Variants in SCFD1 observed in about 807,000 individuals in gnomAD.
The protein encoded by SCFD1 is sec1 family domain containing 1.
SCFD1 carries 37 observed loss-of-function variants against 103.2 expected under a neutral mutation model. The observed-to-expected ratio is 0.36, with a 90% CI of 0.28 to 0.47. SCFD1 has a LOEUF of 0.47. SCFD1 is among the 20% of genes least tolerant of loss of function. The pLI is 1.00. For synonymous variants in SCFD1, 264 were observed against 245.0 expected (o/e 1.08, Z -0.73); for missense variants, 639 against 761.2 (o/e 0.84, Z 1.89).
chr14:30,713,298 A>C (rs560041088), intron 19 of SCFD1, among the ~76,000 whole-genome samples: 2 of 152,250 alleles, frequency 1.3e-5, no homozygotes, highest in South Asian at 4.1e-4. Flanking sequence ...GAGTATGTGA[A>C]TATTGTATTG....
chr14:30,723,693 G>A (rs1892811141), intron 23 of SCFD1, among the ~76,000 whole-genome samples: 1 of 152,144 alleles, frequency 6.6e-6, no homozygotes, highest in South Asian at 2.1e-4. Context: ...ATAATGGCCT[G>A]CAGCTCCATC....
At chr14:30,711,821 ATGAT>A (rs1234265948) in intron 19 of SCFD1, among the ~76,000 whole-genome samples, 2 of 152,074 alleles carry the variant, frequency 1.3e-5, no homozygotes, top group Non-Finnish European at 2.9e-5. Context: ...TATGGCTAAA[ATGAT>A]TGATTGTATA....
At chr14:30,696,946 T>C (rs371639428) in intron 15 of SCFD1, among the ~76,000 whole-genome samples, 8 of 152,184 alleles carry the variant, frequency 5.3e-5, no homozygotes, top group African/African-American at 1.9e-4. Context: ...TTTATAAATA[T>C]AGAAAGGGAA....
chr14:30,672,426 G>C (rs892504539), intron 11 of SCFD1, among the ~76,000 whole-genome samples: 1 of 152,130 alleles, frequency 6.6e-6, no homozygotes, highest in African/African-American at 2.4e-5. Flanking sequence ...CTTGTTATTA[G>C]AGAGGTATTT....
chr14:30,647,590 G>T (rs1459753578), intron 7 of SCFD1, among the ~76,000 whole-genome samples: 1 of 151,924 alleles, frequency 6.6e-6, no homozygotes, highest in African/African-American at 2.4e-5. Flanking sequence ...GCCCTCATAT[G>T]GTTTGTTGTT....
chr14:30,719,365 G>A lies in SCFD1; in HGVS notation c.1724G>A (p.Arg575Gln), dbSNP rs375774799. The A allele has an allele frequency of 2.6e-5, 41 of 1,605,486 alleles. No homozygotes were observed. The highest frequency in any genetic ancestry group is 4.5e-5 in the East Asian group (2 of 44,692). Residue 575 changes from arginine to glutamine, a missense_variant, in exon 21 of 25, where the codon CGG becomes CAG. Coordinates refer to ENST00000458591, the MANE Select transcript of SCFD1 (RefSeq NM_016106.4). ...AGATATTTTGATCCCAAAATGCTGC[G>A]GGGCAATGACAGGTAAGCAGCTTTT... The part of the protein sequence containing the change: ...DYRYFDPKML[R>Q]GNDSSVPRNK...
intron 4 of SCFD1, 62 bp from the exon 5 acceptor site, chr14:30,638,063 G>A (rs1261815003): frequency 3.5e-6 from 5 of 1,448,052 alleles, no homozygotes; most frequent in Non-Finnish European, 4.5e-6. Flanking sequence ...TATAGTAGTT[G>A]AAACATATGT....
At chr14:30,662,843 A>G (rs868688362) in intron 10 of SCFD1, among the ~76,000 whole-genome samples, 2 of 152,286 alleles carry the variant, frequency 1.3e-5, no homozygotes, top group South Asian at 2.1e-4. Flanking sequence ...AGGCTTCTAC[A>G]TGTTTTTAGC....
chr14:30,634,379 A>C (rs182714512), intron 4 of SCFD1, among the ~76,000 whole-genome samples: 1 of 152,278 alleles, frequency 6.6e-6, no homozygotes, highest in East Asian at 1.9e-4. Context: ...ATTACAGAAT[A>C]TATTTTATAA....
chr14:30,647,254 TCA>T (rs893431947), intron 7 of SCFD1, among the ~76,000 whole-genome samples: 1 of 152,150 alleles, frequency 6.6e-6, no homozygotes, highest in African/African-American at 2.4e-5. Context: ...ATAAAATATG[TCA>T]CACAAAAAAA....
intron 7 of SCFD1, chr14:30,643,837 A>C: frequency 2.4e-6 from 1 of 421,282 alleles, no homozygotes. Flanking sequence ...TATACCTTCA[A>C]ATTTTATTTT....
At chr14:30,632,998 A>G (rs1024432316) in intron 3 of SCFD1, among the ~76,000 whole-genome samples, 2 of 152,126 alleles carry the variant, frequency 1.3e-5, no homozygotes, top group Admixed American at 1.3e-4. Context: ...ATTCTCCTCT[A>G]TTTGCTGGAG....
At chr14:30,678,799 T>TA (rs1889243117) in intron 14 of SCFD1, among the ~76,000 whole-genome samples, 1 of 152,196 alleles carries the variant, frequency 6.6e-6, no homozygotes, top group Non-Finnish European at 1.5e-5. Context: ...ATATAGCTGG[T>TA]AAAAAATAAG....
intron 19 of SCFD1, among the ~76,000 whole-genome samples, chr14:30,714,252 G>T (rs1438698017): frequency 6.6e-6 from 1 of 151,838 alleles, no homozygotes; most frequent in Non-Finnish European, 1.5e-5. Context: ...TACTCGGGAG[G>T]CTGAGGCAGG....
chr14:30,688,953 G>A (rs1223927218), intron 14 of SCFD1, among the ~76,000 whole-genome samples: 1 of 68,842 alleles, frequency 1.5e-5, no homozygotes, highest in Non-Finnish European at 2.3e-5. Context: ...GGCTGGTACC[G>A]GTTGTTCCTT....
At chr14:30,702,097 A>C (rs1051715413) in intron 16 of SCFD1, among the ~76,000 whole-genome samples, 199 bp from the exon 17 acceptor site, 1 of 152,174 alleles carries the variant, frequency 6.6e-6, no homozygotes, top group African/African-American at 2.4e-5. Context: ...GAGCCTCTTA[A>C]AGGTAATTTT....
intron 10 of SCFD1, among the ~76,000 whole-genome samples, chr14:30,664,941 G>C (rs1305726396): frequency 6.6e-6 from 1 of 152,320 alleles, no homozygotes; most frequent in Middle Eastern, 3.4e-3. Context: ...GAAAGTGACA[G>C]GGAGAATGGA....
chr14:30,735,136 G>A (rs755353060), intron 24 of SCFD1: 10 of 356,440 alleles, frequency 2.8e-5, no homozygotes, highest in Non-Finnish European at 4.6e-5. Context: ...ACTGTCAGTA[G>A]TGTGTCACTC....
intron 4 of SCFD1, among the ~76,000 whole-genome samples, chr14:30,635,630 T>A (rs1236204936): frequency 1.3e-5 from 2 of 152,148 alleles, no homozygotes; most frequent in Non-Finnish European, 2.9e-5. Flanking sequence ...ATTGTATGGA[T>A]GTACGAAATT....
Sources: allele counts gnomAD v4.1 joint callset (sites outside exome capture counted in the v4.1 genomes callset), GRCh38; gene constraint gnomAD v4.1.1; transcripts MANE v1.5; gene names NCBI Gene and HGNC (gene_info 2026-07-23, HGNC 2026-07-21).